COPS3: variants seen among roughly 807,000 people sequenced by gnomAD.
COPS3 encodes COP9 signalosome subunit 3, also known as COP9 signalosome complex subunit 3.
COPS3 carries 10 observed loss-of-function variants against 58.2 expected under a neutral mutation model. The observed-to-expected ratio is 0.17, with a 90% confidence interval of 0.11 to 0.29. COPS3 has a LOEUF of 0.29. Among genes scored for constraint, COPS3 ranks in the 10% least tolerant of loss-of-function variants. The probability of loss-of-function intolerance (pLI) is 1.00; values close to 1 mark genes in which losing one functional copy is unlikely to be tolerated. For synonymous variants in COPS3, 187 were observed against 181.7 expected (o/e 1.03, Z -0.24); for missense variants, 333 against 510.1 (o/e 0.65, Z 3.34).
chr17:17,276,236 C>A, intron 1 of COPS3, 72 bp from the exon 2 acceptor site: 1 of 1,580,974 alleles, frequency 6.3e-7, no homozygotes, highest in South Asian at 1.1e-5. Context: ...CTAACCACAA[C>A]TTTGTACTTC....
Position 17,271,018 on chromosome 17 carries a change from GGA to G in COPS3, c.186-12_186-11del. Reference sequence around the variant, plus strand: ...AGAAAACTTCACAAACCTAGAATAAGGAGAAAAGAATCAAATTACCCTGATAG... The same window carrying G: ...AGAAAACTTCACAAACCTAGAATAAGGAAAAGAATCAAATTACCCTGATAG... On this transcript the variant is annotated splice_polypyrimidine_tract_variant and intron_variant, in intron 2 of 11. Coordinates refer to ENST00000268717, the MANE Select transcript of COPS3 (RefSeq NM_003653.4). 6.3e-7 allele frequency: 1 copy of G among 1,587,772 alleles called. No homozygotes were observed. The highest frequency in any genetic ancestry group is 8.6e-7 in the Non-Finnish European group (1 of 1,156,494).
chr17:17,257,136 G>A (rs2047993001), intron 8 of COPS3, among the ~76,000 whole-genome samples: 2 of 151,996 alleles, frequency 1.3e-5, no homozygotes, highest in African/African-American at 4.8e-5. Flanking sequence ...GGCCAAAGTG[G>A]GCAGATCACT....
chr17:17,263,094 C>T lies in COPS3; in HGVS notation c.622-988G>A, dbSNP rs548574692. On this transcript the variant is annotated intron_variant, in intron 6 of 11. Transcript: ENST00000268717. The stretch of plus-strand genomic sequence containing the variant: ...ACGAGGTCAGGAGATCAAGACCATC[C>T]TGGCTAACATGGTGAAACCCCATCT... Among the ~76,000 whole-genome samples, 346 of 151,966 alleles carry T rather than the reference C, an allele frequency of 2.3e-3. 1 individual carries two copies. Among genetic ancestry groups the T allele is most frequent in the Middle Eastern group, 0.017 (5 of 294 alleles).
chr17:17,279,361 A>C (rs959675521), intron 1 of COPS3, among the ~76,000 whole-genome samples: 7 of 152,206 alleles, frequency 4.6e-5, no homozygotes, highest in Admixed American at 6.5e-5. Flanking sequence ...TCACCCAAGA[A>C]GTGACCGCGA....
rs748121352 is a variant in COPS3, at chr17:17,256,359, T to C, written c.937-1414A>G. 5.9e-5 allele frequency among the ~76,000 whole-genome samples: 9 copies of C among 152,120 alleles called. No individual in the cohort carries two copies. The South Asian group carries it at 6.2e-4, about 10-fold the overall frequency. ...TAAATGTATAATCTATTAAATATAA[T>C]TGAAAAAATAACATTCATCATTCAA... On this transcript the variant is annotated intron_variant, in intron 8 of 11. Transcript: ENST00000268717.
Position 17,281,072 on chromosome 17 carries a change from G to A in COPS3, c.55+60C>T. The stretch of plus-strand genomic sequence containing the variant: ...GTTCCAGCCGTCCGTGCTGGCGCCT[G>A]GGGATCCAGGCCAGTTCCCGGTACC... On this transcript the variant is annotated intron_variant, in intron 1 of 11. Transcript: ENST00000268717. 6 of 1,554,688 alleles carry A rather than the reference G, an allele frequency of 3.9e-6. No individual in the cohort carries two copies. The South Asian group carries it at 5.8e-5, about 15-fold the overall frequency.
At chr17:17,249,183 C>G in intron 9 of COPS3, 144 bp from the exon 10 acceptor site, 1 of 569,660 alleles carries the variant, frequency 1.8e-6, no homozygotes, top group Non-Finnish European at 3.1e-6. Flanking sequence ...ATCTGTTTAT[C>G]CAAGTATTTA....
intron 9 of COPS3, among the ~76,000 whole-genome samples, chr17:17,252,411 G>A (rs1025396880): frequency 3.3e-5 from 5 of 151,778 alleles, no homozygotes; most frequent in African/African-American, 7.3e-5. Flanking sequence ...TACAGATAAC[G>A]CTTTGGTGTG....
At chr17:17,281,105 G>C in intron 1 of COPS3, 27 bp downstream of exon 1, 1 of 1,600,918 alleles carries the variant, frequency 6.2e-7, no homozygotes, top group Non-Finnish European at 8.5e-7. Context: ...ACCCGCCCAT[G>C]CCCAGCCCGG....
intron 1 of COPS3, among the ~76,000 whole-genome samples, chr17:17,278,056 C>T (rs984841714): frequency 2.0e-5 from 3 of 152,134 alleles, no homozygotes; most frequent in Non-Finnish European, 1.5e-5. Flanking sequence ...ATCCTTTAAC[C>T]TGGGACAATC....
intron 5 of COPS3, among the ~76,000 whole-genome samples, chr17:17,266,698 C>G (rs2048229723): frequency 6.6e-6 from 1 of 151,828 alleles, no homozygotes; most frequent in African/African-American, 2.4e-5. Context: ...ACTCAGGAGG[C>G]TGAGGAAGGA....
rs1318947184 is a variant in COPS3, at chr17:17,261,248, C to T, written c.762+718G>A. Among the ~76,000 whole-genome samples, 4 of 152,128 alleles carry T rather than the reference C, an allele frequency of 2.6e-5. No homozygotes were observed. The South Asian group carries it at 6.2e-4, about 24-fold the overall frequency. On this transcript the variant is annotated intron_variant, in intron 7 of 11. Coordinates refer to ENST00000268717, the MANE Select transcript of COPS3 (RefSeq NM_003653.4). ...CTGCTAGCAAGAAGGAAGACAGGGC[C>T]GGGCATGGTGGCTCACGCCTGTAAT...
chr17:17,259,402 C>G (rs770654318), intron 8 of COPS3, among the ~76,000 whole-genome samples: 1 of 152,172 alleles, frequency 6.6e-6, no homozygotes, highest in Non-Finnish European at 1.5e-5. Context: ...ACTGTTTGAA[C>G]GTTTGACATT....
chr17:17,280,924 G>A (rs956600189), intron 1 of COPS3: 2 of 877,598 alleles, frequency 2.3e-6, no homozygotes, highest in South Asian at 1.9e-5. Flanking sequence ...AGGGGAGGCC[G>A]GCCGGCGAGG....
chr17:17,247,043 T>A lies in COPS3; in HGVS notation c.*55A>T. ...GTCCTCTCTGCTGCCCTCCGAACAC[T>A]TGTCACTGGCCAAGATGGTAGTTTC... On this transcript the variant is annotated 3_prime_UTR_variant, in exon 12 of 12. Coordinates refer to ENST00000268717, the MANE Select transcript of COPS3 (RefSeq NM_003653.4). 2 of 1,520,110 alleles carry A rather than the reference T, an allele frequency of 1.3e-6. No homozygotes were observed. Among genetic ancestry groups the A allele is most frequent in the Non-Finnish European group, 9.1e-7 (1 of 1,094,480 alleles). 94.2% of individuals were successfully genotyped at this position (1,520,110 alleles called of 1,614,324 possible). A position where few individuals can be genotyped will look rare whatever the true frequency, so the allele number is the denominator to read the frequency against.
At position 17,281,227 on chromosome 17, in the gene COPS3, C is replaced by G. The variant is rs751067619; in HGVS notation, c.-41G>C. 15 of 1,590,364 alleles carry G rather than the reference C, an allele frequency of 9.4e-6. No individual in the cohort carries two copies. Among genetic ancestry groups the G allele is most frequent in the Admixed American group, 1.8e-5 (1 of 56,700 alleles). ...GCCCGAGCGGCGAAGGCAGCACGCG[C>G]GGGAAAAGGCTGCCGCTCTGGGAGG... On this transcript the variant is annotated 5_prime_UTR_variant, in exon 1 of 12. Coordinates refer to ENST00000268717, the MANE Select transcript of COPS3 (RefSeq NM_003653.4).
In COPS3 at chr17:17,248,217, TTA is replaced by T. The variant is rs2047764477; in HGVS notation, c.1138-659_1138-658del. ...AGGTGGCAGCTGGGAATAGATAAAG[TTA>T]TACTGGGCCCTTTAAGTGTTTTCAC... On this transcript the variant is annotated intron_variant, in intron 10 of 11. Transcript: ENST00000268717. 2.0e-5 allele frequency among the ~76,000 whole-genome samples: 3 copies of T among 152,306 alleles called. No individual in the cohort carries two copies. The South Asian group carries it at 6.2e-4, about 32-fold the overall frequency.
At chr17:17,259,842 C>T (rs536262828) in intron 8 of COPS3, among the ~76,000 whole-genome samples, 11 of 151,550 alleles carry the variant, frequency 7.3e-5, no homozygotes, top group African/African-American at 1.9e-4. Flanking sequence ...TGCAATGAGC[C>T]GAAATCACGC....
At position 17,276,664 on chromosome 17, in the gene COPS3, G is replaced by A. The variant is rs189775202; in HGVS notation, c.56-500C>T. 4.7e-4 allele frequency among the ~76,000 whole-genome samples: 71 copies of A among 151,738 alleles called. No individual in the cohort carries two copies. In the East Asian group the frequency reaches 8.2e-3, roughly 17 times the overall value. On this transcript the variant is annotated intron_variant, in intron 1 of 11. Transcript: ENST00000268717. ...GTTCACTACAACCTCCGCCCTCCAA[G>A]TTCAAGCAATTCTCCTGCCTCAGCC... is the stretch of plus-strand genomic sequence containing the variant.
Sources: gnomAD v4.1 joint callset for allele counts (sites outside exome capture counted in the v4.1 genomes callset) on GRCh38, gnomAD v4.1.1 for gene constraint, MANE v1.5 for transcripts, NCBI Gene and HGNC (gene_info 2026-07-23, HGNC 2026-07-21) for gene names.